Variants in DTNB observed in about 807,000 individuals in gnomAD.
The protein encoded by DTNB is dystrobrevin beta.
DTNB carries 63 observed loss-of-function variants against 90.7 expected under a neutral mutation model. The ratio of observed to expected loss-of-function variants is 0.69; its 90% confidence interval spans 0.57 to 0.86. The LOEUF is 0.86. DTNB is among the 40% of genes least tolerant of loss of function. The pLI, the probability that DTNB is intolerant of heterozygous loss-of-function variation, is 0.00. For missense variants in DTNB, 744 were observed against 807.1 expected (o/e 0.92, Z 0.95); for synonymous variants, 277 against 286.7 (o/e 0.97, Z 0.34).
intron 3 of DTNB, among the ~76,000 whole-genome samples, chr2:25,633,708 T>C (rs1298295666): frequency 2.0e-5 from 3 of 149,334 alleles, no homozygotes. Flanking sequence ...CTATCCCATC[T>C]AGGAAGTGAG....
chr2:25,515,861 G>A (rs542358091), intron 9 of DTNB, among the ~76,000 whole-genome samples: 1 of 152,278 alleles, frequency 6.6e-6, no homozygotes, highest in East Asian at 1.9e-4. Context: ...ACAGGCATGA[G>A]CCACTGCGCC....
At chr2:25,492,666 C>A (rs1292510991) in intron 9 of DTNB, among the ~76,000 whole-genome samples, 2 of 152,072 alleles carry the variant, frequency 1.3e-5, no homozygotes, top group Non-Finnish European at 1.5e-5. Flanking sequence ...GAATTTGAGA[C>A]CAGCCTGACT....
At chr2:25,551,598 C>CCA (rs1445292655) in intron 8 of DTNB, among the ~76,000 whole-genome samples, 1 of 152,186 alleles carries the variant, frequency 6.6e-6, no homozygotes, top group Non-Finnish European at 1.5e-5. Flanking sequence ...TTAACACATA[C>CCA]CACCTTCACT....
At chr2:25,383,393 T>C (rs942827396) in intron 19 of DTNB, among the ~76,000 whole-genome samples, 13 of 152,106 alleles carry the variant, frequency 8.5e-5, no homozygotes, top group Non-Finnish European at 1.8e-4. Context: ...ATTTTTTGTA[T>C]TTTTAGTAGA....
intron 3 of DTNB, among the ~76,000 whole-genome samples, chr2:25,633,764 G>A (rs1240671819): frequency 6.6e-6 from 1 of 151,652 alleles, no homozygotes; most frequent in Non-Finnish European, 1.5e-5. Flanking sequence ...GTGAGGAAGT[G>A]AGGAGCGTCT....
intron 9 of DTNB, among the ~76,000 whole-genome samples, chr2:25,527,391 C>T (rs1303296015): frequency 5.3e-5 from 8 of 152,020 alleles, no homozygotes; most frequent in South Asian, 2.1e-4. Context: ...GGCGTGCTAG[C>T]GCATGCCTGT....
At chr2:25,531,430 C>G in intron 9 of DTNB, 43 bp downstream of exon 9, 2 of 1,579,736 alleles carry the variant, frequency 1.3e-6, no homozygotes, top group Non-Finnish European at 1.7e-6. Flanking sequence ...CACAAGGCCC[C>G]CATTTCAGTG....
intron 6 of DTNB, among the ~76,000 whole-genome samples, chr2:25,588,174 AT>A (rs1420644381): frequency 6.6e-6 from 1 of 151,904 alleles, no homozygotes; most frequent in Non-Finnish European, 1.5e-5. Flanking sequence ...AAAAGGCTCT[AT>A]AAAGCCTCCT....
In DTNB at chr2:25,384,450, A is replaced by G. The variant is rs1186058612; in HGVS notation, c.1826-561T>C. 2.0e-5 allele frequency among the ~76,000 whole-genome samples: 3 copies of G among 152,146 alleles called. No individual in the cohort carries two copies. The East Asian group carries it at 5.8e-4, about 29-fold the overall frequency. On this transcript the variant is annotated intron_variant, in intron 18 of 20. Transcript: ENST00000406818. Reference sequence around the variant, plus strand: ...CACAGATGCCTTGTGCTCTGCAGGGACAAGATCCCCTGTGATGGAGAGCAG... The same window carrying G: ...CACAGATGCCTTGTGCTCTGCAGGGGCAAGATCCCCTGTGATGGAGAGCAG...
chr2:25,510,623 T>G (rs2073733156), intron 9 of DTNB, among the ~76,000 whole-genome samples: 1 of 152,058 alleles, frequency 6.6e-6, no homozygotes, highest in African/African-American at 2.4e-5. Context: ...TTCTCCTGCC[T>G]CAGCCTCCCA....
chr2:25,436,901 G>A (rs555830194), intron 12 of DTNB, among the ~76,000 whole-genome samples: 1 of 152,340 alleles, frequency 6.6e-6, no homozygotes, highest in South Asian at 2.1e-4. Context: ...TGCTTCATAT[G>A]ATGATGAAAA....
At chr2:25,396,550 G>A (rs897236589) in intron 16 of DTNB, among the ~76,000 whole-genome samples, 3 of 151,276 alleles carry the variant, frequency 2.0e-5, no homozygotes, top group Non-Finnish European at 4.4e-5. Flanking sequence ...GGACTTTTGG[G>A]ACTTGAGGGA....
chr2:25,546,527 T>C (rs1244202421), intron 8 of DTNB, among the ~76,000 whole-genome samples: 1 of 152,212 alleles, frequency 6.6e-6, no homozygotes, highest in Non-Finnish European at 1.5e-5. Context: ...GAAATATTAG[T>C]TCCACTTACC....
rs561244356 is a variant in DTNB at position 25,617,400 on chromosome 2, T to C, written c.363-10079A>G. 1.6e-3 allele frequency among the ~76,000 whole-genome samples: 241 copies of C among 152,302 alleles called. 2 individuals carry two copies. Among genetic ancestry groups the C allele is most frequent in the African/African-American group, 5.6e-3 (231 of 41,568 alleles). On this transcript the variant is annotated intron_variant, in intron 4 of 20. Transcript: ENST00000406818. ...TTTAAGAATACATTCATAAGTTAAG[T>C]ATGCATCCTGAGAATGGGGCAGTGG... is the stretch of plus-strand genomic sequence containing the variant.
At chr2:25,449,040 C>G (rs1271624234) in intron 12 of DTNB, among the ~76,000 whole-genome samples, 1 of 152,050 alleles carries the variant, frequency 6.6e-6, no homozygotes, top group Non-Finnish European at 1.5e-5. Flanking sequence ...TGATGATTAA[C>G]TTATGGCAAA....
At chr2:25,532,854 T>C (rs1254410612) in intron 8 of DTNB, among the ~76,000 whole-genome samples, 1 of 152,238 alleles carries the variant, frequency 6.6e-6, no homozygotes, top group Non-Finnish European at 1.5e-5. Flanking sequence ...CCAATAGACT[T>C]CTATATGCTG....
intron 8 of DTNB, among the ~76,000 whole-genome samples, chr2:25,532,979 C>T (rs936012): frequency 0.31 from 47,636 of 151,996 alleles, 8,875 homozygotes; most frequent in East Asian, 0.51. Context: ...TCAGAAACTT[C>T]GTATATTGGC....
chr2:25,665,352 C>T (rs1195212799), intron 1 of DTNB, among the ~76,000 whole-genome samples: 4 of 152,116 alleles, frequency 2.6e-5, no homozygotes, highest in East Asian at 1.9e-4. Context: ...AGGGGCCAGG[C>T]GCGGTGGCTC....
At chr2:25,592,232 T>C (rs1196479176) in intron 6 of DTNB, among the ~76,000 whole-genome samples, 1 of 152,138 alleles carries the variant, frequency 6.6e-6, no homozygotes, top group African/African-American at 2.4e-5. Flanking sequence ...TTTTTAATAA[T>C]GGACATCCAG....
Sources: gnomAD v4.1 joint callset for allele counts (sites outside exome capture counted in the v4.1 genomes callset) on GRCh38, gnomAD v4.1.1 for gene constraint, MANE v1.5 for transcripts, NCBI Gene and HGNC (gene_info 2026-07-23, HGNC 2026-07-21) for gene names.